VPS13C: variants seen among roughly 807,000 people sequenced by gnomAD.
VPS13C encodes intermembrane lipid transfer protein VPS13C.
VPS13C carries 358 observed loss-of-function variants against 456.8 expected under a neutral mutation model. The ratio of observed to expected loss-of-function variants is 0.78; its 90% confidence interval spans 0.72 to 0.86. The LOEUF is 0.86. Among genes scored for constraint, VPS13C ranks in the 40% least tolerant of loss-of-function variants. VPS13C has a pLI of 0.00. For synonymous variants in VPS13C, 1,578 were observed against 1,486.7 expected, an observed-to-expected ratio of 1.06 and a Z score of -1.41; for missense variants, 4,818 against 4,385.4, an observed-to-expected ratio of 1.10 and a Z score of -2.79.
At chr15:61,934,153 CA>C in intron 49 of VPS13C, 65 bp downstream of exon 49, 1 of 1,066,650 alleles carries the variant, frequency 9.4e-7, no homozygotes, top group Non-Finnish European at 1.3e-6. Context: ...AAAAAAAAGC[CA>C]ACACTCTAAA....
At chr15:62,055,672 CCAAG>C (rs893801349) in intron 1 of VPS13C, among the ~76,000 whole-genome samples, 11 of 152,096 alleles carry the variant, frequency 7.2e-5, no homozygotes, top group Non-Finnish European at 1.0e-4. Flanking sequence ...CAAAGATCAT[CCAAG>C]CAAAGATTAC....
intron 66 of VPS13C, among the ~76,000 whole-genome samples, chr15:61,901,552 C>A (rs374304135): frequency 6.6e-6 from 1 of 152,204 alleles, no homozygotes; most frequent in Non-Finnish European, 1.5e-5. Flanking sequence ...CAAGACAAAA[C>A]CCCAATGAGA....
intron 61 of VPS13C, among the ~76,000 whole-genome samples, chr15:61,913,938 C>T (rs1352537478): frequency 1.3e-5 from 2 of 152,070 alleles, no homozygotes; most frequent in African/African-American, 2.4e-5. Context: ...TGATACAAGA[C>T]TCAATGGGAT....
intron 82 of VPS13C, among the ~76,000 whole-genome samples, chr15:61,862,958 C>G (rs4775444): frequency 0.51 from 77,151 of 151,844 alleles, 19,816 homozygotes; most frequent in Admixed American, 0.59. Flanking sequence ...TGGTAGTTTA[C>G]TATAAGTTCT....
chr15:61,882,791 C>T (rs1446076981), intron 68 of VPS13C, 55 bp from the exon 69 acceptor site: 11 of 1,453,408 alleles, frequency 7.6e-6, no homozygotes, highest in Non-Finnish European at 1.0e-5. Context: ...AGTAGCTATT[C>T]CATTTTTAAT....
At chr15:62,039,945 T>G (rs2048185606) in intron 3 of VPS13C, among the ~76,000 whole-genome samples, 1 of 152,098 alleles carries the variant, frequency 6.6e-6, no homozygotes. Flanking sequence ...TAGCCAAGAT[T>G]TGGAAGCAAC....
At chr15:61,868,871 T>A in intron 80 of VPS13C, 98 bp from the exon 81 acceptor site, 1 of 1,006,816 alleles carries the variant, frequency 9.9e-7, no homozygotes, top group Non-Finnish European at 1.4e-6. Flanking sequence ...CAAAAAACAA[T>A]CAGTAATTTT....
chr15:61,901,828 A>C (rs919792892), intron 66 of VPS13C, among the ~76,000 whole-genome samples: 39 of 152,234 alleles, frequency 2.6e-4, no homozygotes, highest in African/African-American at 5.1e-4. Flanking sequence ...TTTATTGCGG[A>C]ATTATTCACA....
At chr15:61,934,433 G>A in intron 48 of VPS13C, 102 bp from the exon 49 acceptor site, 1 of 574,936 alleles carries the variant, frequency 1.7e-6, no homozygotes, top group Non-Finnish European at 2.8e-6. Flanking sequence ...ACGCTTTCTG[G>A]GATTCTGTAA....
Position 62,000,709 on chromosome 15 carries a change from C to G in VPS13C, c.1291-83G>C, listed in dbSNP as rs563406597. ...TTTCTTTCATGATTTCTAGGCATAT[C>G]TAGTCCATTATCAGTACCTGTGACC... On this transcript the variant is annotated intron_variant, in intron 15 of 84. Coordinates refer to ENST00000644861, the MANE Select transcript of VPS13C (RefSeq NM_020821.3). The G allele has an allele frequency of 3.6e-6, 4 of 1,107,366 alleles. No individual in the cohort carries two copies. The Admixed American group carries it at 7.7e-5, about 21-fold the overall frequency. 68.6% of individuals were successfully genotyped at this position (1,107,366 alleles called of 1,614,324 possible).
chr15:61,919,539 G>C, intron 57 of VPS13C, 90 bp from the exon 58 acceptor site: 3 of 1,246,444 alleles, frequency 2.4e-6, no homozygotes, highest in Non-Finnish European at 3.2e-6. Context: ...ATAATGAAGA[G>C]TATTTTTCCT....
rs935609806 is a variant in VPS13C at position 61,864,588 on chromosome 15, C to T, written c.10864-1060G>A. ...AATATAACCACAAGCAGAGAAATCA[C>T]ATTTGATATTATTTCAATGCTTAAA... is the stretch of plus-strand genomic sequence containing the variant. On this transcript the variant is annotated intron_variant, in intron 81 of 84. Transcript: ENST00000644861. 10 of 969,920 alleles carry T rather than the reference C, an allele frequency of 1.0e-5. No individual in the cohort carries two copies. In the African/African-American group the frequency reaches 1.4e-4, roughly 14 times the overall value. 60.1% of individuals were successfully genotyped at this position (969,920 alleles called of 1,614,324 possible). A position where few individuals can be genotyped will look rare whatever the true frequency, so the allele number is the denominator to read the frequency against.
At chr15:61,878,482 T>G in intron 74 of VPS13C, 125 bp downstream of exon 74, 1 of 1,247,698 alleles carries the variant, frequency 8.0e-7, no homozygotes, top group South Asian at 1.6e-5. Context: ...TGAACCAAAT[T>G]CTCCAAATAT....
chr15:62,047,010 A>G (rs1198987043), intron 1 of VPS13C, among the ~76,000 whole-genome samples: 2 of 152,120 alleles, frequency 1.3e-5, no homozygotes, highest in African/African-American at 4.8e-5. Flanking sequence ...TACGGAAATT[A>G]TAAGAAGGAA....
chr15:62,013,483 G>C (rs969415941), intron 10 of VPS13C, among the ~76,000 whole-genome samples: 2 of 151,894 alleles, frequency 1.3e-5, no homozygotes, highest in Non-Finnish European at 2.9e-5. Flanking sequence ...GGTGGTAGCA[G>C]AGGAGTCTAT....
chr15:62,048,891 T>C (rs1423864385), intron 1 of VPS13C, among the ~76,000 whole-genome samples: 1 of 152,246 alleles, frequency 6.6e-6, no homozygotes, highest in Non-Finnish European at 1.5e-5. Flanking sequence ...TTTGGCTGCA[T>C]AAATGTCTTC....
intron 66 of VPS13C, among the ~76,000 whole-genome samples, chr15:61,902,124 A>AG (rs1484061328): frequency 1.4e-5 from 1 of 72,820 alleles, no homozygotes; most frequent in African/African-American, 5.6e-5. Flanking sequence ...GGGTGGGGGG[A>AG]GGGGGAGGGA....
intron 25 of VPS13C, 116 bp downstream of exon 25, chr15:61,974,172 A>G: frequency 9.5e-7 from 1 of 1,055,136 alleles, no homozygotes; most frequent in East Asian, 2.9e-5. Flanking sequence ...AAGACATTTT[A>G]CTTTCATTTC....
At chr15:62,006,749 C>T (rs1345107874) in intron 15 of VPS13C, among the ~76,000 whole-genome samples, 1 of 152,158 alleles carries the variant, frequency 6.6e-6, no homozygotes, top group Non-Finnish European at 1.5e-5. Flanking sequence ...TATTTCTCCA[C>T]ATCCTCTCCA....
Sources: allele counts gnomAD v4.1 joint callset (sites outside exome capture counted in the v4.1 genomes callset), GRCh38; gene constraint gnomAD v4.1.1; transcripts MANE v1.5; gene names NCBI Gene and HGNC (gene_info 2026-07-23, HGNC 2026-07-21).